The following ITPR1 variants were observed in gnomAD, a reference collection of about 807,000 sequenced individuals.
The protein encoded by ITPR1 is inositol 1,4,5-trisphosphate receptor type 1.
In ITPR1, 96 loss-of-function variants were observed where a neutral mutation model predicts 318.4. The ratio of observed to expected loss-of-function variants is 0.30; its 90% confidence interval spans 0.26 to 0.36. The LOEUF is 0.36. Ranked by LOEUF, ITPR1 falls within the 10% of genes least tolerant of loss-of-function variation. ITPR1 has a pLI of 1.00. For missense variants in ITPR1, 2,440 were observed against 3,460.2 expected (o/e 0.71, Z 7.40); for synonymous variants, 1,312 against 1,289.9 (o/e 1.02, Z -0.37).
At chr3:4,611,744 A>G (rs1201673543) in intron 4 of ITPR1, among the ~76,000 whole-genome samples, 2 of 152,100 alleles carry the variant, frequency 1.3e-5, no homozygotes, top group Non-Finnish European at 1.5e-5. Flanking sequence ...ACCTTCTCTC[A>G]AAAAATAAAC....
intron 39 of ITPR1, among the ~76,000 whole-genome samples, chr3:4,716,195 A>G (rs1477540891): frequency 6.6e-6 from 1 of 152,218 alleles, no homozygotes; most frequent in Non-Finnish European, 1.5e-5. Context: ...TCTACAGTTT[A>G]AACCATGTCT....
rs1396723291 is a variant in ITPR1, at chr3:4,680,723, G to A, written c.3106+32G>A. 4 of 1,582,370 alleles carry A rather than the reference G, an allele frequency of 2.5e-6. No homozygotes were observed. In the East Asian group the frequency reaches 9.1e-5, roughly 36 times the overall value. On this transcript the variant is annotated intron_variant, in intron 25 of 61. Coordinates refer to ENST00000649015, the MANE Select transcript of ITPR1 (RefSeq NM_001378452.1). Reference sequence around the variant, plus strand: ...GATTCAGAATGGAATTTCAGCCATAGAATGGGACCTGGCTCTAAGGAAAAT... The same window carrying A: ...GATTCAGAATGGAATTTCAGCCATAAAATGGGACCTGGCTCTAAGGAAAAT...
intron 44 of ITPR1, among the ~76,000 whole-genome samples, chr3:4,743,391 C>G (rs148985021): frequency 2.9e-3 from 442 of 152,358 alleles, no homozygotes; most frequent in African/African-American, 1.0e-2. Flanking sequence ...GATGGCAGTT[C>G]CCACAACTCT....
intron 5 of ITPR1, among the ~76,000 whole-genome samples, chr3:4,631,029 T>C (rs1559574045): frequency 6.6e-6 from 1 of 152,270 alleles, no homozygotes; most frequent in Non-Finnish European, 1.5e-5. Flanking sequence ...TTTAACTTCA[T>C]GAAAGTGCAT....
At chr3:4,521,876 A>T (rs893313204) in intron 4 of ITPR1, among the ~76,000 whole-genome samples, 1 of 151,994 alleles carries the variant, frequency 6.6e-6, no homozygotes, top group Non-Finnish European at 1.5e-5. Flanking sequence ...TCTCAAAAAC[A>T]AAAACAAAAA....
At chr3:4,797,002 A>C (rs1287154759) in intron 53 of ITPR1, among the ~76,000 whole-genome samples, 1 of 151,874 alleles carries the variant, frequency 6.6e-6, no homozygotes, top group African/African-American at 2.4e-5. Context: ...GGTCCTTCCA[A>C]CTCTAAAATG....
chr3:4,826,400 A>T lies in ITPR1; in HGVS notation c.8028+8158A>T, dbSNP rs1035244207. On this transcript the variant is annotated intron_variant, in intron 60 of 61. Transcript: ENST00000649015. The surrounding 1 kb of genome is among the most constrained non-coding windows in gnomAD (Gnocchi z 4.2). ...AGGATACAGCCTGTGCTGCCTGCCA[A>T]ATACGATTCCCAGAATGCCCCCTGA... is the stretch of plus-strand genomic sequence containing the variant. Among the ~76,000 whole-genome samples the T allele has an allele frequency of 1.3e-5, 2 of 152,216 alleles. No homozygotes were observed. The highest frequency in any genetic ancestry group is 4.8e-5 in the African/African-American group (2 of 41,456).
intron 40 of ITPR1, among the ~76,000 whole-genome samples, chr3:4,723,432 A>G (rs1559774112): frequency 6.6e-6 from 1 of 152,172 alleles, no homozygotes; most frequent in Non-Finnish European, 1.5e-5. Context: ...TTTTCAAGGG[A>G]AAAGACAGTT....
intron 44 of ITPR1, among the ~76,000 whole-genome samples, chr3:4,753,437 G>T (rs1026193551): frequency 6.6e-6 from 1 of 152,088 alleles, no homozygotes; most frequent in East Asian, 1.9e-4. Context: ...TAACCGCTTG[G>T]CCATCTGTAC....
In ITPR1 at chr3:4,818,023, T is replaced by A. The variant is rs1166456466; in HGVS notation, c.7868-59T>A. 3 of 1,444,364 alleles carry A rather than the reference T, an allele frequency of 2.1e-6. No individual in the cohort carries two copies. In the African/African-American group the frequency reaches 4.3e-5, roughly 20 times the overall value. The allele number at this position is 1,444,364 out of a possible 1,614,324, so 89.5% of individuals were successfully genotyped here. A position where few individuals can be genotyped will look rare whatever the true frequency, so the allele number is the denominator to read the frequency against. ...TTTCTACTGACAGTTCTGTTATTGA[T>A]TTTTTTTCTTTACCAAGGCTGCTCA... On this transcript the variant is annotated intron_variant, in intron 59 of 61. Transcript: ENST00000649015.
At chr3:4,515,600 A>T (rs1486406788) in intron 2 of ITPR1, among the ~76,000 whole-genome samples, 1 of 152,168 alleles carries the variant, frequency 6.6e-6, no homozygotes, top group Non-Finnish European at 1.5e-5. Flanking sequence ...CCCACTCCTC[A>T]ATATTTATGG....
At chr3:4,649,238 A>G (rs1252336760) in intron 10 of ITPR1, among the ~76,000 whole-genome samples, 1 of 152,234 alleles carries the variant, frequency 6.6e-6, no homozygotes, top group South Asian at 2.1e-4. Context: ...CTGTTTTTCT[A>G]TGAACAGGAT....
At chr3:4,535,357 G>T (rs1257377176) in intron 4 of ITPR1, among the ~76,000 whole-genome samples, 1 of 151,894 alleles carries the variant, frequency 6.6e-6, no homozygotes, top group Non-Finnish European at 1.5e-5. Context: ...AATGATGTTG[G>T]GCTAGGATTC....
At chr3:4,596,641 A>G (rs2090849723) in intron 4 of ITPR1, among the ~76,000 whole-genome samples, 1 of 152,204 alleles carries the variant, frequency 6.6e-6, no homozygotes, top group Non-Finnish European at 1.5e-5. Context: ...TGCCTCTGCT[A>G]GAATCCTTTT....
chr3:4,707,975 T>A (rs1341409841), intron 37 of ITPR1, among the ~76,000 whole-genome samples: 1 of 152,162 alleles, frequency 6.6e-6, no homozygotes, highest in Non-Finnish European at 1.5e-5. Flanking sequence ...GAAAGAGACA[T>A]TAATTTTAAA....
At position 4,535,593 on chromosome 3, in the gene ITPR1, C is replaced by T. The variant is rs1057450135; in HGVS notation, c.163+14499C>T. 4.6e-5 allele frequency among the ~76,000 whole-genome samples: 7 copies of T among 151,718 alleles called. 1 individual carries two copies. Among genetic ancestry groups the T allele is most frequent in the Admixed American group, 6.6e-5 (1 of 15,244 alleles). On this transcript the variant is annotated intron_variant, in intron 4 of 61. Coordinates refer to ENST00000649015, the MANE Select transcript of ITPR1 (RefSeq NM_001378452.1). ...GAGTAGCTGGGACTACAGGTGCCTG[C>T]CACCACGCCCGGCTAATTTTTTTTT...
At chr3:4,741,401 C>G (rs2043691593) in intron 44 of ITPR1, among the ~76,000 whole-genome samples, 1 of 152,282 alleles carries the variant, frequency 6.6e-6, no homozygotes, top group East Asian at 1.9e-4. Flanking sequence ...AAAGTCTAGT[C>G]TACAGACACA....
intron 3 of ITPR1, 108 bp from the exon 4 acceptor site, chr3:4,520,916 G>A (rs2082514293): frequency 1.3e-6 from 1 of 790,418 alleles, no homozygotes; most frequent in Admixed American, 2.0e-5. Flanking sequence ...GGAGAATATG[G>A]CAATCTAAAT....
intron 56 of ITPR1, 98 bp downstream of exon 56, chr3:4,811,558 C>T: frequency 1.1e-6 from 1 of 925,540 alleles, no homozygotes; most frequent in Non-Finnish European, 1.7e-6. Flanking sequence ...GCAGATATCT[C>T]CCCATTGTAT....
Sources: allele counts gnomAD v4.1 joint callset (sites outside exome capture counted in the v4.1 genomes callset), GRCh38; gene constraint gnomAD v4.1.1; non-coding constraint Gnocchi (gnomAD v3.1); transcripts MANE v1.5; gene names NCBI Gene and HGNC (gene_info 2026-07-23, HGNC 2026-07-21).